SAXO1: variants seen among roughly 807,000 people sequenced by gnomAD.
The protein encoded by SAXO1 is 4930500O09Rik.
A neutral mutation model predicts 17.5 loss-of-function variants in SAXO1; 21 were observed. The ratio of observed to expected loss-of-function variants is 1.20; its 90% confidence interval spans 0.85 to 1.72. The LOEUF is 1.72. Among genes scored for constraint, SAXO1 ranks in the 40% most tolerant of loss-of-function variants. The probability of loss-of-function intolerance (pLI) is 0.00; values close to 1 mark genes in which losing one functional copy is unlikely to be tolerated. For synonymous variants in SAXO1, 274 were observed against 216.5 expected (o/e 1.27, Z -2.33); for missense variants, 843 against 596.0 (o/e 1.41, Z -4.32).
intron 1 of SAXO1, among the ~76,000 whole-genome samples, chr9:18,963,250 T>A (rs1164610534): frequency 6.6e-6 from 1 of 152,220 alleles, no homozygotes; most frequent in Non-Finnish European, 1.5e-5. Flanking sequence ...CCAGCTTTGT[T>A]CTTTTTGCTT....
chr9:18,931,708 A>G, intron 3 of SAXO1, among the ~76,000 whole-genome samples: 1 of 152,216 alleles, frequency 6.6e-6, no homozygotes. Flanking sequence ...TTAAATTATT[A>G]TAGACATTCC....
At chr9:19,001,725 A>C (rs890099847) in intron 1 of SAXO1, among the ~76,000 whole-genome samples, 2 of 152,114 alleles carry the variant, frequency 1.3e-5, no homozygotes, top group African/African-American at 4.8e-5. Context: ...GTACCAGAAT[A>C]TCTGAGACAC....
chr9:19,034,726 C>T (rs903553138), upstream of SAXO1, among the ~76,000 whole-genome samples: 1 of 152,108 alleles, frequency 6.6e-6, no homozygotes, highest in Non-Finnish European at 1.5e-5. Flanking sequence ...GAAACATGGC[C>T]AGACAAAAAA....
chr9:18,956,786 G>T (rs908816184), intron 1 of SAXO1, among the ~76,000 whole-genome samples: 1 of 152,174 alleles, frequency 6.6e-6, no homozygotes, highest in African/African-American at 2.4e-5. Context: ...CTAATTTGTG[G>T]AGCAATTACT....
intron 1 of SAXO1, among the ~76,000 whole-genome samples, chr9:19,013,365 C>T (rs1834836331): frequency 6.6e-6 from 1 of 152,052 alleles, no homozygotes. Flanking sequence ...GATTAGATTG[C>T]CCTCTTGTGG....
At chr9:19,027,066 G>C (rs995845794) in intron 1 of SAXO1, 4 of 847,922 alleles carry the variant, frequency 4.7e-6, no homozygotes, top group Non-Finnish European at 8.2e-6. Context: ...CAAGATCAAA[G>C]AGAACAGTGA....
chr9:18,962,104 G>A (rs1380507132), intron 1 of SAXO1, among the ~76,000 whole-genome samples: 1 of 152,000 alleles, frequency 6.6e-6, no homozygotes, highest in African/African-American at 2.4e-5. Flanking sequence ...TTTTGCTCTT[G>A]TTGCCCAAGC....
chr9:18,950,304 A>G (rs1831976324), intron 2 of SAXO1, among the ~76,000 whole-genome samples: 1 of 152,142 alleles, frequency 6.6e-6, no homozygotes, highest in South Asian at 2.1e-4. Context: ...GCATAATTTT[A>G]AGGGGAGAAA....
At chr9:19,011,302 T>C (rs16937267) in intron 1 of SAXO1, among the ~76,000 whole-genome samples, 13,984 of 152,232 alleles carry the variant, frequency 0.092, 835 homozygotes, top group Non-Finnish European at 0.13. Context: ...CCATTGCCAC[T>C]TTCTAACGAG....
At position 18,928,108 on chromosome 9, in the gene SAXO1, G is replaced by C; in HGVS notation, c.1369C>G (p.Leu457Val). The C allele has an allele frequency of 6.2e-7, 1 of 1,613,830 alleles. No individual in the cohort carries two copies. The highest frequency in any genetic ancestry group is 8.5e-7 in the Non-Finnish European group (1 of 1,179,768). Residue 457 changes from leucine (L) to valine (V), a missense_variant, in exon 4 of 4, where the codon CTT becomes GTT. Coordinates refer to ENST00000380534, the MANE Select transcript of SAXO1 (RefSeq NM_153707.4). ...SQAGSQQSSHLSVDDSENPNQ... is the reference protein window; with the variant it reads ...SQAGSQQSSHVSVDDSENPNQ... ...GGGTTTTCTGAATCATCTACAGAAA[G>C]ATGGCTGCTCTGCTGAGAGCCTGCC...
At chr9:18,955,042 TA>T (rs1030982942) in intron 1 of SAXO1, among the ~76,000 whole-genome samples, 1 of 151,368 alleles carries the variant, frequency 6.6e-6, no homozygotes, top group Non-Finnish European at 1.5e-5. Context: ...ATTAGAAGGG[TA>T]AAAAAAAGCC....
At chr9:18,999,912 G>A (rs1211778754) in intron 1 of SAXO1, among the ~76,000 whole-genome samples, 3 of 145,534 alleles carry the variant, frequency 2.1e-5, no homozygotes, top group Admixed American at 1.4e-4. Context: ...GGGAAGTGAG[G>A]AGCGCCTCTG....
intron 1 of SAXO1, chr9:19,027,566 A>G: frequency 7.6e-7 from 1 of 1,322,290 alleles, no homozygotes; most frequent in Non-Finnish European, 1.1e-6. Context: ...GGCACAGACT[A>G]AGGCCACCTT....
At chr9:18,997,696 G>A (rs1453974726) in intron 1 of SAXO1, among the ~76,000 whole-genome samples, 1 of 152,212 alleles carries the variant, frequency 6.6e-6, no homozygotes, top group Non-Finnish European at 1.5e-5. Context: ...GCCTGACTGG[G>A]AGACACTTCC....
intron 1 of SAXO1, among the ~76,000 whole-genome samples, chr9:18,966,572 T>G (rs1276970897): frequency 6.6e-6 from 1 of 152,232 alleles, no homozygotes; most frequent in Non-Finnish European, 1.5e-5. Flanking sequence ...GCTCTTGTGC[T>G]GTGTTCTACA....
At chr9:19,025,286 C>T (rs892837263) in intron 1 of SAXO1, among the ~76,000 whole-genome samples, 6 of 151,732 alleles carry the variant, frequency 4.0e-5, no homozygotes, top group Non-Finnish European at 8.8e-5. Context: ...TTTCCTTAAT[C>T]AGAATTTATG....
intron 1 of SAXO1, among the ~76,000 whole-genome samples, chr9:19,018,614 A>G (rs930784246): frequency 3.9e-5 from 6 of 152,226 alleles, no homozygotes; most frequent in Non-Finnish European, 5.9e-5. Flanking sequence ...CCTCCTTAAC[A>G]TGAACTGCTA....
intron 1 of SAXO1, among the ~76,000 whole-genome samples, chr9:18,977,090 C>G (rs1041622037): frequency 1.3e-5 from 2 of 152,152 alleles, no homozygotes; most frequent in Non-Finnish European, 1.5e-5. Flanking sequence ...ACTATATAAC[C>G]ACTGAAACAT....
intron 1 of SAXO1, among the ~76,000 whole-genome samples, chr9:19,008,085 A>G (rs1445278343): frequency 6.6e-6 from 1 of 151,662 alleles, no homozygotes; most frequent in African/African-American, 2.4e-5. Flanking sequence ...CACTCACCTC[A>G]GCCTCCCAAG....
Sources: allele counts gnomAD v4.1 joint callset (sites outside exome capture counted in the v4.1 genomes callset), GRCh38; gene constraint gnomAD v4.1.1; transcripts MANE v1.5; gene names NCBI Gene and HGNC (gene_info 2026-07-23, HGNC 2026-07-21).